PRELID2: variants seen among roughly 807,000 people sequenced by gnomAD.
PRELID2 encodes the protein PRELI domain containing 2.
PRELID2 carries 25 observed loss-of-function variants against 28.4 expected under a neutral mutation model. The ratio of observed to expected loss-of-function variants is 0.88; its 90% CI spans 0.64 to 1.23. The LOEUF is 1.23. Among genes scored for constraint, PRELID2 ranks in the 50% most tolerant of loss-of-function variants. The pLI, the probability that PRELID2 is intolerant of heterozygous loss-of-function variation, is 0.00. For synonymous variants in PRELID2, 76 were observed against 71.6 expected (o/e 1.06, Z -0.31); for missense variants, 201 against 214.4 (o/e 0.94, Z 0.39).
chr5:145,746,896 T>C (rs1286040431), intron 1 of PRELID2, among the ~76,000 whole-genome samples: 2 of 151,964 alleles, frequency 1.3e-5, no homozygotes, highest in Non-Finnish European at 2.9e-5. Context: ...AACCACACAA[T>C]TACATGGAAA....
At chr5:145,438,411 C>A in the PRELID2 span, among the ~76,000 whole-genome samples, 1 of 152,266 alleles carries the variant, frequency 6.6e-6, no homozygotes, top group Non-Finnish European at 1.5e-5. Context: ...CTACCCTCCC[C>A]TATCCTGAGA....
At chr5:145,238,991 A>C in the PRELID2 span, among the ~76,000 whole-genome samples, 1 of 151,736 alleles carries the variant, frequency 6.6e-6, no homozygotes, top group East Asian at 1.9e-4. Context: ...CTATCTGTCT[A>C]TCTATCTATC....
the PRELID2 span, among the ~76,000 whole-genome samples, chr5:145,311,284 G>A: frequency 1.3e-5 from 2 of 152,138 alleles, no homozygotes; most frequent in African/African-American, 4.8e-5. Flanking sequence ...AGTGCAGCTC[G>A]CACTGGTTGA....
chr5:145,467,030 G>T (rs1203924851), downstream of PRELID2, among the ~76,000 whole-genome samples: 2 of 152,110 alleles, frequency 1.3e-5, no homozygotes, highest in East Asian at 3.8e-4. Flanking sequence ...GGTCTCCAAT[G>T]ACCCTTTGAT....
intron 1 of PRELID2, among the ~76,000 whole-genome samples, chr5:145,742,506 G>A (rs1756861567): frequency 8.2e-6 from 1 of 122,594 alleles, no homozygotes; most frequent in African/African-American, 3.1e-5. Flanking sequence ...ATTAATCTAG[G>A]AGCCAAAGAA....
the PRELID2 span, among the ~76,000 whole-genome samples, chr5:145,241,989 C>T: frequency 6.6e-5 from 10 of 151,866 alleles, no homozygotes; most frequent in African/African-American, 2.2e-4. Flanking sequence ...TCTGAAATGT[C>T]TACAGGAAAG....
At chr5:145,618,567 C>T (rs934751668) in intron 1 of PRELID2, among the ~76,000 whole-genome samples, 4 of 152,288 alleles carry the variant, frequency 2.6e-5, no homozygotes, top group East Asian at 1.9e-4. Context: ...GATACCAGCA[C>T]CTGTTCCAGT....
the PRELID2 span, among the ~76,000 whole-genome samples, chr5:145,367,127 CAT>C: frequency 6.7e-6 from 1 of 149,900 alleles, no homozygotes; most frequent in South Asian, 2.1e-4. Flanking sequence ...TAAAAATTGT[CAT>C]ATGATTCTTT....
chr5:145,586,959 T>C (rs1753161627), intron 1 of PRELID2, among the ~76,000 whole-genome samples: 1 of 152,076 alleles, frequency 6.6e-6, no homozygotes, highest in South Asian at 2.1e-4. Flanking sequence ...GGGGAGGAAC[T>C]AAATATAAAA....
At position 145,614,996 on chromosome 5, in the gene PRELID2, A is replaced by C. The variant is rs531511491; in HGVS notation, n.71-141681T>G. On this transcript the variant is annotated intron_variant and non_coding_transcript_variant, in intron 1 of 2. Coordinates refer to the PRELID2 transcript ENST00000510259. ...TCTTGATGACCTGTCTAGTGCTGTC[A>C]GTGGAGTATTGAAGTCCCCCACTAT... 2.6e-5 allele frequency among the ~76,000 whole-genome samples: 4 copies of C among 152,300 alleles called. No individual in the cohort carries two copies. In the South Asian group the frequency reaches 8.3e-4, roughly 32 times the overall value.
At chr5:145,551,556 G>T (rs1221903599) in intron 1 of PRELID2, among the ~76,000 whole-genome samples, 3 of 152,128 alleles carry the variant, frequency 2.0e-5, no homozygotes. Context: ...GAGAAATGTT[G>T]CCTTCTTTCA....
At chr5:145,328,014 T>A in the PRELID2 span, among the ~76,000 whole-genome samples, 1 of 152,230 alleles carries the variant, frequency 6.6e-6, no homozygotes, top group African/African-American at 2.4e-5. Context: ...AACTCCCACT[T>A]ACAAGTGAGA....
chr5:145,593,047 T>TGA (rs1177940632), intron 1 of PRELID2, among the ~76,000 whole-genome samples: 2 of 152,190 alleles, frequency 1.3e-5, no homozygotes, highest in Non-Finnish European at 2.9e-5. Flanking sequence ...TTAGTGTTCT[T>TGA]GAGAGCTGAG....
At chr5:145,778,043 G>A (rs570230772) in intron 5 of PRELID2, among the ~76,000 whole-genome samples, 6 of 152,288 alleles carry the variant, frequency 3.9e-5, no homozygotes, top group South Asian at 2.1e-4. Context: ...GGCTGGGGGC[G>A]GGGCTGCCAG....
intron 1 of PRELID2, among the ~76,000 whole-genome samples, chr5:145,553,031 G>A (rs1368716341): frequency 4.6e-5 from 7 of 152,164 alleles, no homozygotes; most frequent in South Asian, 2.1e-4. Context: ...TTCCCAAGGT[G>A]TTGCTATGTA....
At chr5:145,240,737 T>C in the PRELID2 span, among the ~76,000 whole-genome samples, 1,653 of 152,166 alleles carry the variant, frequency 0.011, 156 homozygotes, top group South Asian at 0.23. Flanking sequence ...TGACTGAATT[T>C]CATACTATAA....
At chr5:145,384,549 C>G in the PRELID2 span, among the ~76,000 whole-genome samples, 2 of 151,978 alleles carry the variant, frequency 1.3e-5, no homozygotes, top group African/African-American at 4.8e-5. Context: ...AATATAAGAA[C>G]AGGCAAAATA....
chr5:145,835,324 C>G lies in PRELID2; in HGVS notation c.-73G>C. 1 of 979,900 alleles carries G rather than the reference C, an allele frequency of 1.0e-6. No individual in the cohort carries two copies. The highest frequency in any genetic ancestry group is 1.5e-6 in the Non-Finnish European group (1 of 657,716). 60.7% of individuals were successfully genotyped at this position (979,900 alleles called of 1,614,324 possible). A position where few individuals can be genotyped will look rare whatever the true frequency, so the allele number is the denominator to read the frequency against. On this transcript the variant is annotated 5_prime_UTR_variant, in exon 1 of 7. Coordinates refer to ENST00000683046, the MANE Select transcript of PRELID2 (RefSeq NM_205846.3). ...AGAGCTGCCCAGGGCTCCGCAGAGGCCCGGAGGCGCCCACACTCGGACAGC... is the reference window on the plus strand; with the variant it reads ...AGAGCTGCCCAGGGCTCCGCAGAGGGCCGGAGGCGCCCACACTCGGACAGC...
the PRELID2 span, among the ~76,000 whole-genome samples, chr5:145,255,549 G>T: frequency 6.6e-6 from 1 of 151,966 alleles, no homozygotes. Flanking sequence ...AGAGGTGAGA[G>T]AATTGCTTGA....
Sources: gnomAD v4.1 joint callset for allele counts (sites outside exome capture counted in the v4.1 genomes callset) on GRCh38, gnomAD v4.1.1 for gene constraint, MANE v1.5 for transcripts, NCBI Gene and HGNC (gene_info 2026-07-23, HGNC 2026-07-21) for gene names.